Variants in MGAM observed in about 807,000 individuals in gnomAD.
MGAM encodes maltase-glucoamylase, also known as alpha-1,4-glucosidase.
In MGAM, 253 loss-of-function variants were observed where a neutral mutation model predicts 358.8. The ratio of observed to expected loss-of-function variants is 0.71; its 90% CI spans 0.64 to 0.78. MGAM has a LOEUF of 0.78. Among genes scored for constraint, MGAM ranks in the 30% least tolerant of loss-of-function variants. MGAM has a pLI of 0.00. For synonymous variants in MGAM, 1,105 were observed against 1,227.1 expected, an observed-to-expected ratio of 0.90 and a Z score of 2.08; for missense variants, 3,080 against 3,432.6, an observed-to-expected ratio of 0.90 and a Z score of 2.57.
intron 16 of MGAM, among the ~76,000 whole-genome samples, chr7:142,035,183 C>A (rs1807874466): frequency 6.6e-6 from 1 of 152,116 alleles, no homozygotes; most frequent in Non-Finnish European, 1.5e-5. Flanking sequence ...AGATGAAGAA[C>A]TATAACATTG....
chr7:142,041,744 AT>A (rs1225422735), intron 21 of MGAM, among the ~76,000 whole-genome samples: 1 of 148,576 alleles, frequency 6.7e-6, no homozygotes, highest in Non-Finnish European at 1.5e-5. Context: ...CCTTTCCAAC[AT>A]TCTTTGCCTG....
intron 14 of MGAM, among the ~76,000 whole-genome samples, chr7:142,033,270 G>A (rs989731237): frequency 2.0e-5 from 3 of 152,128 alleles, no homozygotes; most frequent in Admixed American, 2.0e-4. Flanking sequence ...ACCAGCCTTG[G>A]TCATCAGGTA....
At position 142,098,777 on chromosome 7, in the gene MGAM, G is replaced by A. The variant is rs149000887; in HGVS notation, c.7750-836G>A. Among the ~76,000 whole-genome samples, 257 of 152,292 alleles carry A rather than the reference G, an allele frequency of 1.7e-3. 1 individual carries two copies. The highest frequency in any genetic ancestry group is 6.4e-3 in the South Asian group (31 of 4,828). On this transcript the variant is annotated intron_variant, in intron 66 of 70. Transcript: ENST00000475668. Reference sequence around the variant, plus strand: ...AGTCTCCCATTCACTAACAGAAGATGTCTTTGGTTGAAGAGGAAAAGACAA... The same window carrying A: ...AGTCTCCCATTCACTAACAGAAGATATCTTTGGTTGAAGAGGAAAAGACAA...
chr7:142,040,117 T>C lies in MGAM; in HGVS notation c.2319T>C (p.Gly773=). The C allele has an allele frequency of 6.2e-7, 1 of 1,610,896 alleles. No individual in the cohort carries two copies. The highest frequency in any genetic ancestry group is 1.1e-5 in the South Asian group (1 of 90,658). The change falls in exon 20 of 71, where the codon GGT becomes GGC. Residue 773 remains glycine (G), a splice_region_variant and synonymous_variant. Transcript: ENST00000475668. ...ACACTACATTTTTTTAATTTCAGGG[T>C]GCAGAGAAAGTGATGGCATATGTGC... The part of the protein sequence containing the change: ...GLLITPVLDE[G]AEKVMAYVPD...
rs115512122 is a variant in MGAM at position 142,049,869 on chromosome 7, G to A, written c.2588-366G>A. Among the ~76,000 whole-genome samples, 1,468 of 152,254 alleles carry A rather than the reference G, an allele frequency of 9.6e-3. 16 individuals are homozygous for A. Among genetic ancestry groups the A allele is most frequent in the African/African-American group, 0.032 (1,350 of 41,546 alleles). ...GGTGAGAATGTAAATTGTTACAACCGTTATGGAAAATAGTATGCATGTTCC... is the reference window on the plus strand; with the variant it reads ...GGTGAGAATGTAAATTGTTACAACCATTATGGAAAATAGTATGCATGTTCC... On this transcript the variant is annotated intron_variant, in intron 22 of 70. Coordinates refer to ENST00000475668, the MANE Select transcript of MGAM (RefSeq NM_001365693.1).
chr7:141,991,517 C>A (rs1209404730), upstream of MGAM, among the ~76,000 whole-genome samples: 2 of 151,448 alleles, frequency 1.3e-5, no homozygotes, highest in Non-Finnish European at 2.9e-5. Context: ...GCTCACTGCA[C>A]CCTCCGCCTC....
At chr7:142,066,913 A>G (rs1393655030) in intron 41 of MGAM, among the ~76,000 whole-genome samples, 192 bp downstream of exon 41, 1 of 146,460 alleles carries the variant, frequency 6.8e-6, no homozygotes, top group African/African-American at 2.4e-5. Context: ...AAAAAAGGGT[A>G]TTTATTGAAT....
intron 44 of MGAM, 94 bp downstream of exon 44, chr7:142,071,212 A>G (rs1813321808): frequency 7.4e-7 from 1 of 1,354,240 alleles, no homozygotes; most frequent in Admixed American, 2.3e-5. Flanking sequence ...TTTCAAACCC[A>G]CATGCAATTC....
rs749056911 is a variant in MGAM at position 142,073,171 on chromosome 7, C to T, written c.5187-914C>T. ...TGCGTTCATTTTTTAGTGAATGTGC[C>T]TAATTTTTCCTATAATATTGAAGGT... is the stretch of plus-strand genomic sequence containing the variant. On this transcript the variant is annotated intron_variant, in intron 44 of 70. Transcript: ENST00000475668. 9.6e-5 allele frequency among the ~76,000 whole-genome samples: 14 copies of T among 145,834 alleles called. 1 individual carries two copies. Among genetic ancestry groups the T allele is most frequent in the Non-Finnish European group, 1.9e-4 (12 of 64,420 alleles).
Position 142,071,074 on chromosome 7 carries a change from C to A in MGAM, c.5142C>A (p.Gly1714=), listed in dbSNP as rs745998825. Residue 1714 remains glycine, a synonymous_variant, in exon 44 of 71, where the codon GGC becomes GGA. Coordinates refer to ENST00000475668, the MANE Select transcript of MGAM (RefSeq NM_001365693.1). ...LDHINLHVRG[G]YILPWQEPAL... is the part of the protein sequence containing the mutation. Reference sequence around the variant, plus strand: ...ACATTAATCTTCATGTCCGTGGGGGCTACATCCTGCCCTGGCAAGAGCCTG... The same window carrying A: ...ACATTAATCTTCATGTCCGTGGGGGATACATCCTGCCCTGGCAAGAGCCTG... 1.3e-6 allele frequency: 2 copies of A among 1,556,252 alleles called. No homozygotes were observed. Among genetic ancestry groups the A allele is most frequent in the South Asian group, 2.2e-5 (2 of 89,076 alleles).
chr7:142,050,083 A>G (rs1239468808), intron 22 of MGAM, among the ~76,000 whole-genome samples, 152 bp from the exon 23 acceptor site: 1 of 152,228 alleles, frequency 6.6e-6, no homozygotes, highest in Non-Finnish European at 1.5e-5. Context: ...AAGAAATGTG[A>G]TACACATATA....
intron 21 of MGAM, among the ~76,000 whole-genome samples, chr7:142,045,568 A>AT (rs1554472931): frequency 1.2e-5 from 1 of 80,194 alleles, no homozygotes; most frequent in Non-Finnish European, 1.9e-5. Flanking sequence ...ATGAATATAT[A>AT]ATATATATTA....
At chr7:142,068,553 C>A in intron 42 of MGAM, 94 bp from the exon 43 acceptor site, 1 of 1,014,978 alleles carries the variant, frequency 9.9e-7, no homozygotes, top group South Asian at 1.3e-5. Context: ...GGGTCCAAAG[C>A]CATCACAATT....
intron 1 of MGAM, among the ~76,000 whole-genome samples, chr7:141,996,170 G>T (rs906828462): frequency 4.0e-5 from 6 of 151,854 alleles, no homozygotes; most frequent in South Asian, 4.2e-4. Flanking sequence ...CATGGTGGCG[G>T]GCGCCTGTAG....
chr7:142,085,351 A>C lies in MGAM; in HGVS notation c.6508-482A>C, dbSNP rs1814654012. ...ATTCTCCAGAAGAATGTAGTGTCTG[A>C]TTTCCCTCAAGATTGGGTATTCCAA... On this transcript the variant is annotated intron_variant, in intron 54 of 70. Coordinates refer to ENST00000475668, the MANE Select transcript of MGAM (RefSeq NM_001365693.1). 2.0e-5 allele frequency among the ~76,000 whole-genome samples: 3 copies of C among 146,558 alleles called. 1 individual carries two copies. In the South Asian group the frequency reaches 6.5e-4, roughly 32 times the overall value.
At chr7:142,043,873 A>G (rs202028823) in intron 21 of MGAM, among the ~76,000 whole-genome samples, 6 of 62,150 alleles carry the variant, frequency 9.7e-5, no homozygotes, top group South Asian at 5.3e-4. Context: ...CATTATATAC[A>G]CATACGACGT....
intron 18 of MGAM, 66 bp downstream of exon 18, chr7:142,037,043 A>G: frequency 1.3e-6 from 2 of 1,493,300 alleles, no homozygotes; most frequent in Non-Finnish European, 1.8e-6. Flanking sequence ...ATATCATCAA[A>G]TATCAGAGTG....
intron 3 of MGAM, among the ~76,000 whole-genome samples, chr7:142,018,562 T>C (rs1029623776): frequency 2.6e-4 from 40 of 152,192 alleles, no homozygotes; most frequent in Non-Finnish European, 2.4e-4. Context: ...TCTCCCAAAT[T>C]AGTTGGTGTG....
At chr7:142,040,561 G>A (rs1808420821) in intron 20 of MGAM, 161 bp from the exon 21 acceptor site, 1 of 934,070 alleles carries the variant, frequency 1.1e-6, no homozygotes, top group Non-Finnish European at 1.6e-6. Context: ...AGCAGAACAT[G>A]TTATTCTTGA....
Sources: gnomAD v4.1 joint callset for allele counts (sites outside exome capture counted in the v4.1 genomes callset) on GRCh38, gnomAD v4.1.1 for gene constraint, MANE v1.5 for transcripts, NCBI Gene and HGNC (gene_info 2026-07-23, HGNC 2026-07-21) for gene names.